The following CLMN variants were observed in gnomAD, a reference collection of about 807,000 sequenced individuals.
The protein encoded by CLMN is calmin.
In CLMN, 57 loss-of-function variants were observed where a neutral mutation model predicts 92.7. The observed-to-expected ratio is 0.61, with a 90% CI of 0.50 to 0.77. The LOEUF (loss-of-function observed/expected upper bound fraction) is 0.77, where lower values mean the gene tolerates loss of function less well. Among genes scored for constraint, CLMN ranks in the 30% least tolerant of loss-of-function variants. The probability of loss-of-function intolerance (pLI) is 0.00; values close to 1 mark genes in which losing one functional copy is unlikely to be tolerated. For synonymous variants in CLMN, 466 were observed against 470.6 expected, an observed-to-expected ratio of 0.99 and a Z score of 0.13; for missense variants, 1,158 against 1,237.5, an observed-to-expected ratio of 0.94 and a Z score of 0.96.
rs1896528280 is a variant in CLMN, at chr14:95,190,214, T to C, written c.*1350A>G. On this transcript the variant is annotated 3_prime_UTR_variant, in exon 13 of 13. Coordinates refer to ENST00000298912, the MANE Select transcript of CLMN (RefSeq NM_024734.4). ...AATGTGGACATTTTAATCTAGTCATTTTATCTTTTTCTCAGGACATTGGTG... is the reference window on the plus strand; with the variant it reads ...AATGTGGACATTTTAATCTAGTCATCTTATCTTTTTCTCAGGACATTGGTG... 1 of 152,196 alleles carries C rather than the reference T, an allele frequency of 6.6e-6. No homozygotes were observed. Among genetic ancestry groups the C allele is most frequent in the African/African-American group, 2.4e-5 (1 of 41,442 alleles). The allele number at this position is 152,196 out of a possible 1,614,324, so 9.4% of individuals were successfully genotyped here. A position where few individuals can be genotyped will look rare whatever the true frequency, so the allele number is the denominator to read the frequency against.
intron 1 of CLMN, among the ~76,000 whole-genome samples, chr14:95,311,763 T>A (rs1901552185): frequency 6.6e-6 from 1 of 152,094 alleles, no homozygotes; most frequent in African/African-American, 2.4e-5. Context: ...CCCCACCACA[T>A]GCTCCCCTAC....
At chr14:95,198,553 T>C (rs1173955377) in intron 9 of CLMN, among the ~76,000 whole-genome samples, 1 of 152,108 alleles carries the variant, frequency 6.6e-6, no homozygotes, top group East Asian at 1.9e-4. Flanking sequence ...CAGTGGGCAG[T>C]GCTTGCTGGG....
chr14:95,202,908 G>C lies in CLMN; in HGVS notation c.2441C>G (p.Ala814Gly). 6.3e-7 allele frequency: 1 copy of C among 1,589,768 alleles called. No individual in the cohort carries two copies. The highest frequency in any genetic ancestry group is 1.2e-5 in the South Asian group (1 of 86,762). ...GTGGTCCTCATGGGGGGCCAGTGGA[G>C]CGGGTTCTGAGGCTGGTGTGGTACC... ...GVGTTPASEP[A>G]PLAPHEDHQQ... The change falls in exon 9 of 13, where the codon GCT (alanine) becomes GGT (glycine). Residue 814 changes from alanine to glycine, a missense_variant. Ala to Gly is a moderately conservative substitution (Grantham distance 60, BLOSUM62 0). Transcript: ENST00000298912.
chr14:95,269,586 T>G (rs1018187878), intron 1 of CLMN, among the ~76,000 whole-genome samples: 1 of 152,214 alleles, frequency 6.6e-6, no homozygotes, highest in East Asian at 1.9e-4. Flanking sequence ...AATGGACTCC[T>G]GCTTGACAGT....
intron 1 of CLMN, among the ~76,000 whole-genome samples, chr14:95,298,096 C>A (rs1900886627): frequency 6.6e-6 from 1 of 152,150 alleles, no homozygotes; most frequent in Non-Finnish European, 1.5e-5. Context: ...TCTAAAGTCA[C>A]AGAATTCTCG....
chr14:95,243,619 A>ATTT (rs143830474), intron 1 of CLMN, among the ~76,000 whole-genome samples: 2,424 of 150,724 alleles, frequency 0.016, 30 homozygotes, highest in Non-Finnish European at 0.021. Flanking sequence ...TGATTCCTTG[A>ATTT]TTTTTTTTTC....
At position 95,215,955 on chromosome 14, in the gene CLMN, T is replaced by C. The variant is rs562658310; in HGVS notation, c.325-222A>G. Among the ~76,000 whole-genome samples the C allele has an allele frequency of 7.9e-5, 12 of 152,278 alleles. No individual in the cohort carries two copies. In the South Asian group the frequency reaches 1.9e-3, roughly 24 times the overall value. Reference sequence around the variant, plus strand: ...ATTAACACATACACAGCACTTACCATATGCAGCCTCTATTCTAAACTTCTT... The same window carrying C: ...ATTAACACATACACAGCACTTACCACATGCAGCCTCTATTCTAAACTTCTT... On this transcript the variant is annotated intron_variant, in intron 4 of 12. Coordinates refer to ENST00000298912, the MANE Select transcript of CLMN (RefSeq NM_024734.4).
chr14:95,306,266 C>G (rs190549466), intron 1 of CLMN, among the ~76,000 whole-genome samples: 49 of 152,258 alleles, frequency 3.2e-4, no homozygotes, highest in African/African-American at 1.1e-3. Flanking sequence ...AATCTCAGCA[C>G]TTTGGGAAGC....
At chr14:95,293,764 C>G (rs1382522485) in intron 1 of CLMN, among the ~76,000 whole-genome samples, 1 of 147,094 alleles carries the variant, frequency 6.8e-6, no homozygotes, top group Non-Finnish European at 1.5e-5. Context: ...GCTGAGCTGT[C>G]CTGTGAGGCT....
intron 3 of CLMN, among the ~76,000 whole-genome samples, chr14:95,222,158 C>G (rs529487056): frequency 1.3e-5 from 2 of 152,142 alleles, no homozygotes; most frequent in Admixed American, 6.5e-5. Flanking sequence ...CTTCGCTAAG[C>G]GGCTGCTTTT....
At position 95,185,779 on chromosome 14, in the gene CLMN, G is replaced by A. The variant is rs529569819; in HGVS notation, c.*5785C>T. ...AAGGTGTCTCCAAGCAGAAGGGAGA[G>A]AGAGGCCGTGTCTCAAAACTCCAGA... On this transcript the variant is annotated 3_prime_UTR_variant, in exon 13 of 13. Transcript: ENST00000298912. 2 of 152,164 alleles carry A rather than the reference G, an allele frequency of 1.3e-5. No homozygotes were observed. Among genetic ancestry groups the A allele is most frequent in the East Asian group, 3.9e-4 (2 of 5,164 alleles). 9.4% of individuals were successfully genotyped at this position (152,164 alleles called of 1,614,324 possible). A position where few individuals can be genotyped will look rare whatever the true frequency, so the allele number is the denominator to read the frequency against.
intron 1 of CLMN, among the ~76,000 whole-genome samples, chr14:95,239,538 T>A (rs1898174407): frequency 6.6e-6 from 1 of 152,220 alleles, no homozygotes; most frequent in East Asian, 1.9e-4. Flanking sequence ...TTTGTGAAAG[T>A]GTTCCGGTTT....
intron 1 of CLMN, among the ~76,000 whole-genome samples, chr14:95,269,678 T>A (rs1478009881): frequency 6.6e-6 from 1 of 152,198 alleles, no homozygotes; most frequent in Non-Finnish European, 1.5e-5. Flanking sequence ...AGCCCCAGCA[T>A]CAGCCTGGCT....
At position 95,256,629 on chromosome 14, in the gene CLMN, C is replaced by T. The variant is rs974014764; in HGVS notation, c.83-26496G>A. On this transcript the variant is annotated intron_variant, in intron 1 of 12. Transcript: ENST00000298912. This position sits in a 1 kb window ranked among gnomAD's most constrained non-coding sequence, Gnocchi z 4.9. ...CACGTGGAACTGTGCAAGACACTTA[C>T]ATGACCAGAAAGAAGACCAGGTGAC... 4.6e-5 allele frequency among the ~76,000 whole-genome samples: 7 copies of T among 152,224 alleles called. No homozygotes were observed. Among genetic ancestry groups the T allele is most frequent in the Non-Finnish European group, 8.8e-5 (6 of 68,044 alleles).
chr14:95,223,633 T>C, intron 3 of CLMN, 127 bp downstream of exon 3: 2 of 666,098 alleles, frequency 3.0e-6, no homozygotes, highest in South Asian at 2.2e-5. Flanking sequence ...TAGGCACTAA[T>C]AAAAAAAGTC....
Position 95,256,636 on chromosome 14 carries a change from A to G in CLMN, c.83-26503T>C, listed in dbSNP as rs1899009915. 1.3e-5 allele frequency among the ~76,000 whole-genome samples: 2 copies of G among 152,244 alleles called. No homozygotes were observed. Among genetic ancestry groups the G allele is most frequent in the Admixed American group, 1.3e-4 (2 of 15,288 alleles). On this transcript the variant is annotated intron_variant, in intron 1 of 12. Coordinates refer to ENST00000298912, the MANE Select transcript of CLMN (RefSeq NM_024734.4). This position sits in a 1 kb window ranked among gnomAD's most constrained non-coding sequence, Gnocchi z 4.9. The stretch of plus-strand genomic sequence containing the variant: ...AACTGTGCAAGACACTTACATGACC[A>G]GAAAGAAGACCAGGTGACTCCTGGC...
chr14:95,302,993 G>C (rs1170715005), intron 1 of CLMN, among the ~76,000 whole-genome samples: 1 of 152,220 alleles, frequency 6.6e-6, no homozygotes, highest in Non-Finnish European at 1.5e-5. Context: ...GTAGTGATTT[G>C]TTCTTTACTG....
intron 1 of CLMN, among the ~76,000 whole-genome samples, chr14:95,254,807 G>A (rs771019096): frequency 1.3e-5 from 2 of 152,104 alleles, no homozygotes; most frequent in South Asian, 2.1e-4. Context: ...TAAGTGATCC[G>A]CTGGACTCAG....
chr14:95,290,906 G>A (rs1055991642), intron 1 of CLMN, among the ~76,000 whole-genome samples: 17 of 152,264 alleles, frequency 1.1e-4, no homozygotes, highest in South Asian at 2.1e-4. Flanking sequence ...TAGGGATACC[G>A]ACGCAGAATA....
Sources: gnomAD v4.1 joint callset for allele counts (sites outside exome capture counted in the v4.1 genomes callset) on GRCh38, gnomAD v4.1.1 for gene constraint, Gnocchi (gnomAD v3.1) non-coding constraint, MANE v1.5 for transcripts, NCBI Gene and HGNC (gene_info 2026-07-23, HGNC 2026-07-21) for gene names.